Variants in SMIM13 observed in about 807,000 individuals in gnomAD.
SMIM13 encodes UPF0766 protein C6orf228.
In SMIM13, 3 loss-of-function variants were observed where a neutral mutation model predicts 5.9. The ratio of observed to expected loss-of-function variants is 0.51; its 90% CI spans 0.23 to 1.31. SMIM13 has a LOEUF of 1.31. Ranked by LOEUF, SMIM13 falls within the 40% of genes most tolerant of loss-of-function variation. The pLI is 0.18. For synonymous variants in SMIM13, 55 were observed against 46.0 expected (o/e 1.19, Z -0.79); for missense variants, 85 against 109.9 (o/e 0.77, Z 1.01).
intron 1 of SMIM13, among the ~76,000 whole-genome samples, chr6:11,124,153 T>G (rs1758346829): frequency 6.6e-6 from 1 of 152,210 alleles, no homozygotes; most frequent in Admixed American, 6.5e-5. Context: ...TCCCTGCCCC[T>G]TCAGTACCGT....
At chr6:11,103,687 G>A (rs910819886) in intron 1 of SMIM13, 3 of 1,547,098 alleles carry the variant, frequency 1.9e-6, no homozygotes, top group African/African-American at 2.7e-5. Context: ...CAGTCTAGGG[G>A]TCCTCCTTAG....
At chr6:11,112,097 A>G (rs1561755259) in intron 1 of SMIM13, among the ~76,000 whole-genome samples, 1 of 151,566 alleles carries the variant, frequency 6.6e-6, no homozygotes, top group South Asian at 2.1e-4. Context: ...GCAACCCATT[A>G]TTATTATTTT....
intron 1 of SMIM13, among the ~76,000 whole-genome samples, chr6:11,120,336 G>C (rs1434628787): frequency 6.6e-6 from 1 of 152,170 alleles, no homozygotes; most frequent in Non-Finnish European, 1.5e-5. Flanking sequence ...TAGAGGGCTG[G>C]GAAATCCAAG....
At chr6:11,134,070 ATTCT>A (rs1758487066) in intron 1 of SMIM13, among the ~76,000 whole-genome samples, 1 of 152,052 alleles carries the variant, frequency 6.6e-6, no homozygotes, top group African/African-American at 2.4e-5. Flanking sequence ...GGCAAAGTGA[ATTCT>A]TTCTTTCCCA....
At chr6:11,115,808 C>T (rs1308030995) in intron 1 of SMIM13, among the ~76,000 whole-genome samples, 1 of 151,394 alleles carries the variant, frequency 6.6e-6, no homozygotes, top group Non-Finnish European at 1.5e-5. Flanking sequence ...CCTCAGCCTC[C>T]CAAGTAGCTG....
chr6:11,127,350 A>C (rs1179507136), intron 1 of SMIM13, among the ~76,000 whole-genome samples: 1 of 152,178 alleles, frequency 6.6e-6, no homozygotes, highest in East Asian at 1.9e-4. Context: ...AATCCCTCCC[A>C]GTCTTCCCTT....
At chr6:11,096,241 CATTAGTTAG>C (rs1757920609) in intron 1 of SMIM13, among the ~76,000 whole-genome samples, 1 of 152,120 alleles carries the variant, frequency 6.6e-6, no homozygotes, top group South Asian at 2.1e-4. Flanking sequence ...GATCATCAGG[CATTAGTTAG>C]ATTCTCATAA....
Position 11,118,095 on chromosome 6 carries a change from T to C in SMIM13, c.77-16308T>C, listed in dbSNP as rs571439261. Among the ~76,000 whole-genome samples, 11 of 152,368 alleles carry C rather than the reference T, an allele frequency of 7.2e-5. No homozygotes were observed. In the South Asian group the frequency reaches 1.7e-3, roughly 23 times the overall value. ...CATGTTGGCTAGGCTGGTCTCGAAC[T>C]CCTGACCTCAGGTCATCTGCCCACC... On this transcript the variant is annotated intron_variant, in intron 1 of 1. Transcript: ENST00000416247.
intron 1 of SMIM13, among the ~76,000 whole-genome samples, chr6:11,114,843 A>G (rs1048637911): frequency 6.6e-6 from 1 of 151,786 alleles, no homozygotes; most frequent in Non-Finnish European, 1.5e-5. Flanking sequence ...CAAGTGATCC[A>G]CCTACCTTGG....
intron 1 of SMIM13, among the ~76,000 whole-genome samples, chr6:11,106,912 G>T (rs72825124): frequency 0.02 from 3,068 of 152,346 alleles, 47 homozygotes; most frequent in South Asian, 0.049. Flanking sequence ...AGCTGTGTGA[G>T]TGTGAAGAAC....
At chr6:11,114,597 T>C (rs1392175793) in intron 1 of SMIM13, among the ~76,000 whole-genome samples, 1 of 121,110 alleles carries the variant, frequency 8.3e-6, no homozygotes, top group Non-Finnish European at 1.8e-5. Flanking sequence ...TTTCTCTTTT[T>C]TTTTTTTTTT....
At chr6:11,102,406 G>A (rs943954018) in intron 1 of SMIM13, 1 of 152,194 alleles carries the variant, frequency 6.6e-6, no homozygotes, top group African/African-American at 2.4e-5. Flanking sequence ...TTACAGAAAA[G>A]TGTGAACAAA....
chr6:11,103,278 G>A (rs1758023198), intron 1 of SMIM13: 1 of 170,476 alleles, frequency 5.9e-6, no homozygotes, highest in African/African-American at 2.4e-5. Flanking sequence ...CCAGCTTCAG[G>A]TGTTTCCTAT....
chr6:11,103,806 CA>C (rs1758036993), intron 1 of SMIM13: 1 of 1,551,518 alleles, frequency 6.4e-7, no homozygotes, highest in Non-Finnish European at 8.7e-7. Context: ...ATTTAGGAGA[CA>C]TGGACCAAAA....
chr6:11,114,244 T>G (rs1758207471), intron 1 of SMIM13, among the ~76,000 whole-genome samples: 1 of 152,126 alleles, frequency 6.6e-6, no homozygotes, highest in African/African-American at 2.4e-5. Flanking sequence ...CCTCCCAAAG[T>G]GTTGGGATTA....
At chr6:11,104,903 AT>A in intron 1 of SMIM13, 2 of 1,614,192 alleles carry the variant, frequency 1.2e-6, no homozygotes, top group South Asian at 1.1e-5. Flanking sequence ...GAGTGCCTAC[AT>A]TTGTTCCATT....
At chr6:11,102,116 A>G (rs1054851006) in intron 1 of SMIM13, among the ~76,000 whole-genome samples, 2 of 152,200 alleles carry the variant, frequency 1.3e-5, no homozygotes, top group African/African-American at 2.4e-5. Flanking sequence ...ATGTAAATGG[A>G]CAGTATCTAG....
chr6:11,113,623 T>G (rs1758198616), intron 1 of SMIM13, among the ~76,000 whole-genome samples: 1 of 152,238 alleles, frequency 6.6e-6, no homozygotes, highest in African/African-American at 2.4e-5. Context: ...TTGCCCAGGC[T>G]GGAGTACAGT....
chr6:11,122,599 C>A (rs1758325688), intron 1 of SMIM13, among the ~76,000 whole-genome samples: 1 of 151,634 alleles, frequency 6.6e-6, no homozygotes, highest in Admixed American at 6.6e-5. Context: ...AAAGGTCAGG[C>A]CTATCTTCTT....
Sources: gnomAD v4.1 joint callset for allele counts (sites outside exome capture counted in the v4.1 genomes callset) on GRCh38, gnomAD v4.1.1 for gene constraint, MANE v1.5 for transcripts, NCBI Gene and HGNC (gene_info 2026-07-23, HGNC 2026-07-21) for gene names.